ADAMTS12: variants seen among roughly 807,000 people sequenced by gnomAD.
ADAMTS12 encodes A disintegrin and metalloproteinase with thrombospondin motifs 12.
In ADAMTS12, 118 loss-of-function variants were observed where a neutral mutation model predicts 167.8. The ratio of observed to expected loss-of-function variants is 0.70; its 90% CI spans 0.61 to 0.82. The LOEUF (loss-of-function observed/expected upper bound fraction) is 0.82. Ranked by LOEUF, ADAMTS12 falls within the 40% of genes least tolerant of loss-of-function variation. The pLI is 0.00. For missense variants in ADAMTS12, 1,916 were observed against 1,998.8 expected (o/e 0.96, Z 0.79); for synonymous variants, 704 against 716.9 (o/e 0.98, Z 0.29).
chr5:33,727,816 C>A (rs150932482), intron 3 of ADAMTS12, among the ~76,000 whole-genome samples: 1 of 152,166 alleles, frequency 6.6e-6, no homozygotes, highest in African/African-American at 2.4e-5. Flanking sequence ...CCACTAATTC[C>A]GTTCCTGGTA....
At chr5:33,628,521 A>G (rs1325377155) in intron 13 of ADAMTS12, among the ~76,000 whole-genome samples, 2 of 152,200 alleles carry the variant, frequency 1.3e-5, no homozygotes, top group Non-Finnish European at 2.9e-5. Context: ...TGCAACTCTA[A>G]CATACCAAAA....
chr5:33,679,102 T>C (rs1008019984), intron 5 of ADAMTS12, among the ~76,000 whole-genome samples: 39 of 152,226 alleles, frequency 2.6e-4, no homozygotes, highest in Admixed American at 2.3e-3. Context: ...TTTGATTGGC[T>C]GCTTTCTCTC....
At chr5:33,575,360 G>A (rs1462196677) in intron 19 of ADAMTS12, among the ~76,000 whole-genome samples, 1 of 152,022 alleles carries the variant, frequency 6.6e-6, no homozygotes, top group East Asian at 1.9e-4. Flanking sequence ...TTCATCATAG[G>A]ATCATTGTAG....
chr5:33,675,328 T>A (rs1741864322), intron 5 of ADAMTS12, among the ~76,000 whole-genome samples: 1 of 152,142 alleles, frequency 6.6e-6, no homozygotes, highest in South Asian at 2.1e-4. Context: ...GCATGGTTGT[T>A]GAGATTTTCT....
chr5:33,637,218 C>T (rs937653132), intron 12 of ADAMTS12, among the ~76,000 whole-genome samples: 6 of 152,158 alleles, frequency 3.9e-5, no homozygotes, highest in African/African-American at 1.2e-4. Context: ...ACCTTTTCTT[C>T]GGAATTTCTG....
At chr5:33,848,461 T>C (rs1749030164) in intron 2 of ADAMTS12, among the ~76,000 whole-genome samples, 1 of 152,200 alleles carries the variant, frequency 6.6e-6, no homozygotes, top group African/African-American at 2.4e-5. Flanking sequence ...GAACAAGATC[T>C]ATACAAGATT....
chr5:33,719,212 T>C (rs1271384144), intron 3 of ADAMTS12, among the ~76,000 whole-genome samples: 1 of 152,134 alleles, frequency 6.6e-6, no homozygotes. Context: ...TACAGATATT[T>C]GCTGCAAAGT....
At chr5:33,749,435 C>T (rs768075617) in intron 3 of ADAMTS12, among the ~76,000 whole-genome samples, 1 of 151,898 alleles carries the variant, frequency 6.6e-6, no homozygotes, top group Non-Finnish European at 1.5e-5. Context: ...AAGGAAGCTA[C>T]ATAAGGCATC....
At chr5:33,814,834 A>G (rs999062367) in intron 2 of ADAMTS12, among the ~76,000 whole-genome samples, 2 of 152,194 alleles carry the variant, frequency 1.3e-5, no homozygotes, top group African/African-American at 2.4e-5. Context: ...GGCTTTATCA[A>G]TGTGGGGACT....
intron 2 of ADAMTS12, among the ~76,000 whole-genome samples, chr5:33,813,496 T>G (rs1419328916): frequency 6.6e-6 from 1 of 152,178 alleles, no homozygotes; most frequent in Non-Finnish European, 1.5e-5. Context: ...AGTAGATTTC[T>G]CCACCCCGCT....
intron 2 of ADAMTS12, among the ~76,000 whole-genome samples, chr5:33,868,650 C>T (rs983815494): frequency 2.6e-5 from 4 of 152,184 alleles, no homozygotes; most frequent in African/African-American, 9.7e-5. Flanking sequence ...TATGCTTATA[C>T]TGTGAGCAAA....
chr5:33,536,892 C>T (rs1178617775), intron 22 of ADAMTS12, among the ~76,000 whole-genome samples: 6 of 152,154 alleles, frequency 3.9e-5, no homozygotes, highest in South Asian at 2.1e-4. Context: ...TTTCTCTTTT[C>T]GAGGTCATGT....
At chr5:33,840,774 C>T (rs1002263058) in intron 2 of ADAMTS12, among the ~76,000 whole-genome samples, 1 of 152,214 alleles carries the variant, frequency 6.6e-6, no homozygotes, top group Non-Finnish European at 1.5e-5. Context: ...GAGGAATCCT[C>T]GGCCTGCAGG....
intron 3 of ADAMTS12, among the ~76,000 whole-genome samples, chr5:33,730,685 A>C (rs1744161870): frequency 6.6e-6 from 1 of 152,188 alleles, no homozygotes; most frequent in African/African-American, 2.4e-5. Flanking sequence ...TTCATCCTTC[A>C]CTTAGTTAGG....
intron 1 of ADAMTS12, among the ~76,000 whole-genome samples, chr5:33,884,770 C>T (rs1267735546): frequency 6.6e-6 from 1 of 152,202 alleles, no homozygotes; most frequent in Non-Finnish European, 1.5e-5. Context: ...TTTCTTTCTT[C>T]TCAGACTTAA....
chr5:33,594,288 G>A (rs1267531901), intron 17 of ADAMTS12, among the ~76,000 whole-genome samples: 2 of 152,164 alleles, frequency 1.3e-5, no homozygotes, highest in Non-Finnish European at 2.9e-5. Context: ...TGCCACGATT[G>A]TGAGGCCTCC....
rs1743853068 is a variant in ADAMTS12 at position 33,527,059 on chromosome 5, G to A, written c.*129C>T. On this transcript the variant is annotated 3_prime_UTR_variant, in exon 24 of 24. Coordinates refer to ENST00000504830, the MANE Select transcript of ADAMTS12 (RefSeq NM_030955.4). ...TGGCTAGAGGAACACAATGGATTTTGTTTCATCATGACCCAAAGCTGAATC... is the reference window on the plus strand; with the variant it reads ...TGGCTAGAGGAACACAATGGATTTTATTTCATCATGACCCAAAGCTGAATC... The A allele has an allele frequency of 8.0e-7, 1 of 1,247,016 alleles. No individual in the cohort carries two copies. The highest frequency in any genetic ancestry group is 1.5e-5 in the South Asian group (1 of 68,684). The allele number at this position is 1,247,016 out of a possible 1,614,324, so 77.2% of individuals were successfully genotyped here. A position where few individuals can be genotyped will look rare whatever the true frequency, so the allele number is the denominator to read the frequency against.
rs183216616 is a variant in ADAMTS12 at position 33,762,191 on chromosome 5, G to A, written c.490-10643C>T. Among the ~76,000 whole-genome samples the A allele has an allele frequency of 2.1e-3, 298 of 144,974 alleles. 1 individual carries two copies. The highest frequency in any genetic ancestry group is 6.7e-3 in the African/African-American group (262 of 39,050). On this transcript the variant is annotated intron_variant, in intron 2 of 23. Coordinates refer to ENST00000504830, the MANE Select transcript of ADAMTS12 (RefSeq NM_030955.4). ...TGGGTGACAGAGTGATAAAGATGCC[G>A]TCTCAAAAAAATAATAAAAATAAAA...
chr5:33,585,767 G>A (rs1057158673), intron 18 of ADAMTS12, among the ~76,000 whole-genome samples: 3 of 152,160 alleles, frequency 2.0e-5, no homozygotes, highest in African/African-American at 7.2e-5. Context: ...TAGAACATAA[G>A]CTTAGAGAAA....
Sources: gnomAD v4.1 joint callset for allele counts (sites outside exome capture counted in the v4.1 genomes callset) on GRCh38, gnomAD v4.1.1 for gene constraint, MANE v1.5 for transcripts, NCBI Gene and HGNC (gene_info 2026-07-23, HGNC 2026-07-21) for gene names.